The following RNF180 variants were observed in gnomAD, a reference collection of about 807,000 sequenced individuals.
The protein encoded by RNF180 is ring finger protein 180, also known as E3 ubiquitin-protein ligase RNF180.
A neutral mutation model predicts 59.2 loss-of-function variants in RNF180; 38 were observed. That is an observed-to-expected ratio of 0.64 (90% CI 0.50 to 0.84). The LOEUF (loss-of-function observed/expected upper bound fraction) is 0.84, where lower values mean the gene tolerates loss of function less well. Among genes scored for constraint, RNF180 ranks in the 40% least tolerant of loss-of-function variants. The pLI is 0.00. For synonymous variants in RNF180, 262 were observed against 240.3 expected (o/e 1.09, Z -0.84); for missense variants, 705 against 700.9 (o/e 1.01, Z -0.07).
rs534865173 is a variant in RNF180, at chr5:64,168,466, G to C, written c.-1+2513G>C. Among the ~76,000 whole-genome samples the C allele has an allele frequency of 3.9e-5, 6 of 152,306 alleles. No individual in the cohort carries two copies. The East Asian group carries it at 1.2e-3, about 29-fold the overall frequency. On this transcript the variant is annotated intron_variant, in intron 1 of 7. Coordinates refer to ENST00000389100, the MANE Select transcript of RNF180 (RefSeq NM_001113561.2). ...GTAGGCTGAAGTTCTGTGTGTATGT[G>C]CACATTTGCATGTAATCTCTGTTGT... is the stretch of plus-strand genomic sequence containing the variant.
At chr5:64,199,110 G>T (rs139997260) in intron 1 of RNF180, among the ~76,000 whole-genome samples, 1 of 152,232 alleles carries the variant, frequency 6.6e-6, no homozygotes, top group African/African-American at 2.4e-5. Flanking sequence ...GAGCCACCAC[G>T]CCCGGCCAAA....
At chr5:64,293,547 A>G (rs1188194953) in intron 5 of RNF180, among the ~76,000 whole-genome samples, 5 of 152,092 alleles carry the variant, frequency 3.3e-5, no homozygotes, top group Non-Finnish European at 7.4e-5. Flanking sequence ...TGTAATCATT[A>G]AATATATTAT....
chr5:64,369,308 T>C (rs1399775195), intron 7 of RNF180, among the ~76,000 whole-genome samples: 1 of 151,610 alleles, frequency 6.6e-6, no homozygotes, highest in Admixed American at 6.6e-5. Context: ...TGGGGACTGT[T>C]GTGGGGTGGG....
intron 1 of RNF180, among the ~76,000 whole-genome samples, chr5:64,183,483 T>A (rs1297082866): frequency 2.9e-5 from 4 of 136,274 alleles, no homozygotes; most frequent in African/African-American, 1.1e-4. Flanking sequence ...AGTCTCTCTC[T>A]ATTGCCCAAG....
chr5:64,311,876 G>A (rs1743785404), intron 5 of RNF180, among the ~76,000 whole-genome samples: 1 of 151,884 alleles, frequency 6.6e-6, no homozygotes, highest in Admixed American at 6.6e-5. Context: ...TTTTCCTAAG[G>A]ATAGGTAAAC....
chr5:64,326,278 A>G (rs1259410078), intron 6 of RNF180, among the ~76,000 whole-genome samples: 2 of 152,130 alleles, frequency 1.3e-5, no homozygotes, highest in African/African-American at 2.4e-5. Flanking sequence ...AATTATACTC[A>G]ATTATGAGTA....
chr5:64,367,764 A>G (rs1182006123), intron 7 of RNF180, among the ~76,000 whole-genome samples: 1 of 151,704 alleles, frequency 6.6e-6, no homozygotes, highest in Non-Finnish European at 1.5e-5. Flanking sequence ...AGAGCTTCAC[A>G]GAACTTTTAT....
intron 1 of RNF180, among the ~76,000 whole-genome samples, chr5:64,194,980 A>G (rs529287501): frequency 9.3e-4 from 142 of 152,340 alleles, no homozygotes; most frequent in African/African-American, 3.2e-3. Flanking sequence ...GTATATATGT[A>G]TGTAAAATAC....
intron 5 of RNF180, among the ~76,000 whole-genome samples, chr5:64,265,046 T>C (rs754474136): frequency 2.0e-5 from 3 of 152,228 alleles, no homozygotes; most frequent in Non-Finnish European, 2.9e-5. Context: ...TTTCTGTTCA[T>C]GTCCTTCGCA....
intron 5 of RNF180, among the ~76,000 whole-genome samples, chr5:64,233,070 A>G (rs569579238): frequency 6.6e-6 from 1 of 152,354 alleles, no homozygotes; most frequent in East Asian, 1.9e-4. Context: ...CTTTTGAGGC[A>G]GACACTGCAC....
At chr5:64,234,719 C>T (rs1742320763) in intron 5 of RNF180, among the ~76,000 whole-genome samples, 2 of 148,790 alleles carry the variant, frequency 1.3e-5, no homozygotes, top group Admixed American at 6.7e-5. Context: ...CCGGCCTCAG[C>T]CTCCCGAGTA....
rs1318153300 is a variant in RNF180 at position 64,372,295 on chromosome 5, G to A, written c.*2481G>A. ...CCTAGACCCATTTATTTTATACTCA[G>A]CAGAAGACAGGGAAATTTAAATTAG... On this transcript the variant is annotated 3_prime_UTR_variant, in exon 8 of 8. Coordinates refer to ENST00000389100, the MANE Select transcript of RNF180 (RefSeq NM_001113561.2). 6.6e-6 allele frequency: 1 copy of A among 151,462 alleles called. No individual in the cohort carries two copies. The highest frequency in any genetic ancestry group is 2.4e-5 in the African/African-American group (1 of 41,304). 9.4% of individuals were successfully genotyped at this position (151,462 alleles called of 1,614,324 possible). A position where few individuals can be genotyped will look rare whatever the true frequency, so the allele number is the denominator to read the frequency against.
chr5:64,301,211 A>G (rs545518565), intron 5 of RNF180, among the ~76,000 whole-genome samples: 3 of 151,928 alleles, frequency 2.0e-5, no homozygotes, highest in South Asian at 2.1e-4. Context: ...CAAATGGTAA[A>G]TGAACAAACC....
chr5:64,332,535 CCTAA>C (rs1580267734), intron 7 of RNF180, among the ~76,000 whole-genome samples: 1 of 151,982 alleles, frequency 6.6e-6, no homozygotes. Context: ...GTCTTCCTCA[CCTAA>C]CTAATATAGT....
chr5:64,318,202 C>T (rs1347968119), intron 5 of RNF180, among the ~76,000 whole-genome samples: 1 of 151,978 alleles, frequency 6.6e-6, no homozygotes, highest in East Asian at 1.9e-4. Flanking sequence ...AAGAGATTAA[C>T]AATAAAAAAT....
At chr5:64,248,620 GGTT>G (rs1719712314) in intron 5 of RNF180, among the ~76,000 whole-genome samples, 2 of 152,186 alleles carry the variant, frequency 1.3e-5, no homozygotes, top group Admixed American at 1.3e-4. Context: ...ATTCTGGAGA[GGTT>G]GTGGAGAAAT....
intron 5 of RNF180, among the ~76,000 whole-genome samples, chr5:64,260,940 CTT>C (rs77043934): frequency 9.5e-5 from 13 of 137,088 alleles, no homozygotes; most frequent in Admixed American, 1.5e-4. Flanking sequence ...TCAGTTTCCT[CTT>C]TTTTTTTTTT....
chr5:64,257,633 A>G (rs1381865169), intron 5 of RNF180, among the ~76,000 whole-genome samples: 3 of 152,172 alleles, frequency 2.0e-5, no homozygotes, highest in Non-Finnish European at 2.9e-5. Flanking sequence ...TTTTGCATCA[A>G]TCTTCATCAG....
chr5:64,295,221 T>C (rs1742820729), intron 5 of RNF180, among the ~76,000 whole-genome samples: 1 of 152,206 alleles, frequency 6.6e-6, no homozygotes, highest in Non-Finnish European at 1.5e-5. Flanking sequence ...CCACTTGTTC[T>C]GGCCTAGCAA....
Sources: gnomAD v4.1 joint callset for allele counts (sites outside exome capture counted in the v4.1 genomes callset) on GRCh38, gnomAD v4.1.1 for gene constraint, MANE v1.5 for transcripts, NCBI Gene and HGNC (gene_info 2026-07-23, HGNC 2026-07-21) for gene names.